The following PCNX1 variants were observed in gnomAD, a reference collection of about 807,000 sequenced individuals.
PCNX1 encodes the protein pecanex 1, also known as pecanex-like protein 1.
Under a neutral mutation model 242.2 loss-of-function variants are expected in PCNX1, and 78 were observed. That is an observed-to-expected ratio of 0.32 (90% CI 0.27 to 0.39). PCNX1 has a LOEUF of 0.39. Ranked by LOEUF, PCNX1 falls within the 10% of genes least tolerant of loss-of-function variation. The probability of loss-of-function intolerance (pLI) is 1.00; values close to 1 mark genes in which losing one functional copy is unlikely to be tolerated. For synonymous variants in PCNX1, 1,024 were observed against 1,032.9 expected, an observed-to-expected ratio of 0.99 and a Z score of 0.17; for missense variants, 2,581 against 2,856.5, an observed-to-expected ratio of 0.90 and a Z score of 2.20.
At chr14:70,931,871 C>G (rs61988722) in intron 1 of PCNX1, among the ~76,000 whole-genome samples, 33 of 152,236 alleles carry the variant, frequency 2.2e-4, no homozygotes, top group Non-Finnish European at 4.6e-4. Flanking sequence ...CGCCTGTAAT[C>G]CCAGCACTTT....
At chr14:71,052,333 C>T (rs1213844978) in intron 24 of PCNX1, among the ~76,000 whole-genome samples, 3 of 151,936 alleles carry the variant, frequency 2.0e-5, no homozygotes, top group Non-Finnish European at 4.4e-5. Context: ...CCTGCCTCAG[C>T]CTCCTGAATA....
chr14:71,105,325 T>C lies in PCNX1; in HGVS notation c.6186T>C (p.Asn2062=), dbSNP rs777528982. Residue 2062 remains asparagine (N), a synonymous_variant, in exon 33 of 36, where the codon AAT becomes AAC. Coordinates refer to ENST00000304743, the MANE Select transcript of PCNX1 (RefSeq NM_014982.3). Reference sequence around the variant, plus strand: ...GTGGGACTTCCTGCACTGGTAACAATGCAACAACTGCCAACAATCCCCACA... The same window carrying C: ...GTGGGACTTCCTGCACTGGTAACAACGCAACAACTGCCAACAATCCCCACA... The part of the protein sequence containing the change: ...TGGGTSCTGN[N]ATTANNPHSN... The C allele has an allele frequency of 8.1e-6, 13 of 1,614,034 alleles. No homozygotes were observed. Among genetic ancestry groups the C allele is most frequent in the South Asian group, 2.2e-5 (2 of 91,080 alleles).
Position 71,050,684 on chromosome 14 carries a change from G to T in PCNX1, c.4371G>T (p.Val1457=), listed in dbSNP as rs1411641512. The T allele has an allele frequency of 1.2e-6, 2 of 1,610,710 alleles. No homozygotes were observed. Among genetic ancestry groups the T allele is most frequent in the Non-Finnish European group, 8.5e-7 (1 of 1,178,496 alleles). The change falls in exon 23 of 36, where the codon GTG becomes GTT. Residue 1457 remains valine (V), a synonymous_variant. Coordinates refer to ENST00000304743, the MANE Select transcript of PCNX1 (RefSeq NM_014982.3). ...AACTACTTTATAAATTGCAGTTTGT[G>T]TATACCTATATTGCCCCATGGCAGA... ...LWELLYKLQF[V]YTYIAPWQIT... is the part of the protein sequence containing the mutation.
At chr14:71,055,405 C>G in intron 24 of PCNX1, 99 bp from the exon 25 acceptor site, 1 of 697,490 alleles carries the variant, frequency 1.4e-6, no homozygotes, top group Non-Finnish European at 2.5e-6. Context: ...AAAGTGATAA[C>G]CTTTATTTTA....
chr14:70,945,914 G>T (rs1430189197), intron 1 of PCNX1, among the ~76,000 whole-genome samples: 1 of 152,218 alleles, frequency 6.6e-6, no homozygotes, highest in Non-Finnish European at 1.5e-5. Flanking sequence ...GTGGGATCTA[G>T]AGCTATAGAT....
chr14:71,009,071 G>A lies in PCNX1; in HGVS notation c.2630-563G>A, dbSNP rs536259417. Among the ~76,000 whole-genome samples the A allele has an allele frequency of 7.2e-4, 109 of 152,168 alleles. 2 individuals are homozygous for A. The South Asian group carries it at 0.019, about 27-fold the overall frequency. ...TTGCTGTTTCTAAATTTTTCATAGC[G>A]CTCTTGTGGTAGAAACATACAACAA... On this transcript the variant is annotated intron_variant, in intron 8 of 35. Coordinates refer to ENST00000304743, the MANE Select transcript of PCNX1 (RefSeq NM_014982.3).
At position 70,949,242 on chromosome 14, in the gene PCNX1, C is replaced by T. The variant is rs1049221321; in HGVS notation, c.362+2119C>T. ...ATATAGATATATGTATGTGTATATACACACGTGTATACACACACACGTGTA... is the reference window on the plus strand; with the variant it reads ...ATATAGATATATGTATGTGTATATATACACGTGTATACACACACACGTGTA... On this transcript the variant is annotated intron_variant, in intron 2 of 35. Coordinates refer to ENST00000304743, the MANE Select transcript of PCNX1 (RefSeq NM_014982.3). 4.5e-3 allele frequency among the ~76,000 whole-genome samples: 494 copies of T among 109,826 alleles called. 4 individuals are homozygous for T. The highest frequency in any genetic ancestry group is 0.027 in the Middle Eastern group (6 of 220). The allele number at this position is 109,826 out of a possible 152,430, so 72.1% of individuals were successfully genotyped here. A position where few individuals can be genotyped will look rare whatever the true frequency, so the allele number is the denominator to read the frequency against.
In PCNX1 at chr14:71,028,751, C is replaced by A. The variant is rs767044782; in HGVS notation, c.3518C>A (p.Ala1173Glu). ...ALYSFICSIV[A>E]VALLYGLCYG... ...TACAGTTTTATCTGTAGCATTGTTG[C>A]AGTAGCCTTATTGTATGGATTATGT... Residue 1173 changes from alanine (A) to glutamate (E), a missense_variant, in exon 16 of 36, where the codon GCA (alanine) becomes GAA (glutamate). Coordinates refer to ENST00000304743, the MANE Select transcript of PCNX1 (RefSeq NM_014982.3). 1.3e-5 allele frequency: 21 copies of A among 1,607,586 alleles called. No individual in the cohort carries two copies. Among genetic ancestry groups the A allele is most frequent in the Non-Finnish European group, 1.6e-5 (19 of 1,176,780 alleles).
At chr14:71,108,478 A>G in intron 33 of PCNX1, 126 bp from the exon 34 acceptor site, 1 of 653,092 alleles carries the variant, frequency 1.5e-6, no homozygotes, top group South Asian at 2.2e-5. Flanking sequence ...AGTTTTAGGC[A>G]TAAACGTTAA....
chr14:71,035,940 T>C (rs1054194940), intron 18 of PCNX1, 125 bp from the exon 19 acceptor site: 2 of 588,148 alleles, frequency 3.4e-6, no homozygotes, highest in East Asian at 2.9e-5. Flanking sequence ...TTTTTTTTTT[T>C]CTTTAATACT....
chr14:71,000,957 C>T (rs761649552), intron 8 of PCNX1, among the ~76,000 whole-genome samples: 6 of 152,168 alleles, frequency 3.9e-5, no homozygotes, highest in Admixed American at 1.3e-4. Context: ...ATTAACTATG[C>T]GATCTTGGGA....
At position 70,907,815 on chromosome 14, in the gene PCNX1, C is replaced by T. The variant is rs1267358948; in HGVS notation, c.-36C>T. ...GCTGGGGCCGGGGCGGGGACGGCGG[C>T]GGCGGCGGCGGCGACGGCGGCGGCG... is the stretch of plus-strand genomic sequence containing the variant. On this transcript the variant is annotated 5_prime_UTR_variant, in exon 1 of 36. Coordinates refer to ENST00000304743, the MANE Select transcript of PCNX1 (RefSeq NM_014982.3). 5.7e-6 allele frequency: 7 copies of T among 1,234,970 alleles called. No individual in the cohort carries two copies. The highest frequency in any genetic ancestry group is 3.2e-4 in the Middle Eastern group (1 of 3,096). The allele number at this position is 1,234,970 out of a possible 1,614,324, so 76.5% of individuals were successfully genotyped here.
At chr14:70,986,988 A>G (rs2059019806) in intron 6 of PCNX1, among the ~76,000 whole-genome samples, 1 of 152,218 alleles carries the variant, frequency 6.6e-6, no homozygotes, top group African/African-American at 2.4e-5. Context: ...AAGAACTGTT[A>G]GCAGGTATAC....
intron 1 of PCNX1, among the ~76,000 whole-genome samples, chr14:70,916,497 T>C (rs375814242): frequency 1.3e-5 from 2 of 152,344 alleles, no homozygotes; most frequent in South Asian, 2.1e-4. Context: ...AAAGCGAATA[T>C]TGCAATAAAA....
At chr14:70,918,045 T>G (rs962120333) in intron 1 of PCNX1, among the ~76,000 whole-genome samples, 1 of 152,222 alleles carries the variant, frequency 6.6e-6, no homozygotes, top group African/African-American at 2.4e-5. Context: ...TTAGCCTTCA[T>G]AGAATTGAAG....
At chr14:71,058,891 T>C (rs971101950) in intron 26 of PCNX1, among the ~76,000 whole-genome samples, 1 of 152,216 alleles carries the variant, frequency 6.6e-6, no homozygotes, top group Non-Finnish European at 1.5e-5. Context: ...ATCAGGAGCC[T>C]AGGACCTTAA....
At chr14:71,012,508 C>G (rs748937500) in intron 10 of PCNX1, 8 of 170,822 alleles carry the variant, frequency 4.7e-5, no homozygotes, top group Admixed American at 2.2e-4. Context: ...CTATTGTCAC[C>G]TTCTATAGTT....
In PCNX1 at chr14:71,034,545, T is replaced by A. The variant is rs115547373; in HGVS notation, c.3774+509T>A. Reference sequence around the variant, plus strand: ...TACTTAAGTAAACGCAGTAATTTTTTAAATTTTCTAATTTGGTGAATTGTA... The same window carrying A: ...TACTTAAGTAAACGCAGTAATTTTTAAAATTTTCTAATTTGGTGAATTGTA... On this transcript the variant is annotated intron_variant, in intron 18 of 35. Coordinates refer to ENST00000304743, the MANE Select transcript of PCNX1 (RefSeq NM_014982.3). 8.3e-3 allele frequency among the ~76,000 whole-genome samples: 1,269 copies of A among 152,338 alleles called. 10 individuals are homozygous for A. Among genetic ancestry groups the A allele is most frequent in the African/African-American group, 0.029 (1,194 of 41,584 alleles).
At chr14:71,069,850 CTTAAAA>C (rs1337880462) in intron 26 of PCNX1, among the ~76,000 whole-genome samples, 2 of 152,160 alleles carry the variant, frequency 1.3e-5, no homozygotes, top group African/African-American at 4.8e-5. Flanking sequence ...TTGGCAAGAT[CTTAAAA>C]TCAGACAACA....
Sources: allele counts gnomAD v4.1 joint callset (sites outside exome capture counted in the v4.1 genomes callset), GRCh38; gene constraint gnomAD v4.1.1; transcripts MANE v1.5; gene names NCBI Gene and HGNC (gene_info 2026-07-23, HGNC 2026-07-21).